RBFOX1: variants seen among roughly 807,000 people sequenced by gnomAD.
RBFOX1 encodes RNA binding protein fox-1 homolog 1.
RBFOX1 carries 8 observed loss-of-function variants against 57.7 expected under a neutral mutation model. The ratio of observed to expected loss-of-function variants is 0.14; its 90% CI spans 0.08 to 0.25. The LOEUF (loss-of-function observed/expected upper bound fraction) is 0.25. Ranked by LOEUF, RBFOX1 falls within the 10% of genes least tolerant of loss-of-function variation. The pLI is 1.00. For missense variants in RBFOX1, 611 were observed against 548.5 expected (o/e 1.11, Z -1.14); for synonymous variants, 326 against 222.4 (o/e 1.47, Z -4.15).
rs559039220 is a variant in RBFOX1, at chr16:6,554,664, G to T, written c.-63-99939G>T. The stretch of plus-strand genomic sequence containing the variant: ...GTACTCTCCTGATTTGTGCAGACTT[G>T]TCCATCAGTCACTGAAAGTGTGGAA... On this transcript the variant is annotated intron_variant, in intron 2 of 15. Coordinates refer to ENST00000550418, the MANE Select transcript of RBFOX1 (RefSeq NM_018723.4). 3.3e-5 allele frequency among the ~76,000 whole-genome samples: 5 copies of T among 152,104 alleles called. No homozygotes were observed. The South Asian group carries it at 1.0e-3, about 32-fold the overall frequency.
intron 4 of RBFOX1, among the ~76,000 whole-genome samples, chr16:7,169,527 G>A (rs957780215): frequency 1.3e-5 from 2 of 152,296 alleles, no homozygotes; most frequent in East Asian, 1.9e-4. Context: ...GTCCCCAGGA[G>A]GGTAAAATCC....
At chr16:6,522,154 AG>A (rs2096513097) in intron 2 of RBFOX1, among the ~76,000 whole-genome samples, 1 of 142,762 alleles carries the variant, frequency 7.0e-6, no homozygotes, top group Non-Finnish European at 1.5e-5. Flanking sequence ...GGGGACCCAC[AG>A]TGTGTGTGTG....
At position 6,388,341 on chromosome 16, in the gene RBFOX1, C is replaced by T. The variant is rs573660868; in HGVS notation, c.-64+71284C>T. Among the ~76,000 whole-genome samples the T allele has an allele frequency of 8.7e-4, 132 of 151,988 alleles. 4 individuals are homozygous for T. In the South Asian group the frequency reaches 0.014, roughly 16 times the overall value. On this transcript the variant is annotated intron_variant, in intron 2 of 15. Transcript: ENST00000550418. ...AAGCTGTTTGCAGCCATTTTGGCAC[C>T]ATGTGGAGCGTAGGAATGAAACTCA...
At chr16:5,866,202 C>T (rs1374960412) in intron 3 of RBFOX1, among the ~76,000 whole-genome samples, 1 of 152,312 alleles carries the variant, frequency 6.6e-6, no homozygotes, top group Admixed American at 6.5e-5. Context: ...CTCCTGACCT[C>T]ACATGATCCA....
In RBFOX1 at chr16:6,375,052, C is replaced by A. The variant is rs141750710; in HGVS notation, c.-64+57995C>A. Among the ~76,000 whole-genome samples the A allele has an allele frequency of 4.6e-3, 699 of 152,124 alleles. 9 individuals carry two copies. The highest frequency in any genetic ancestry group is 0.016 in the African/African-American group (660 of 41,386). On this transcript the variant is annotated intron_variant, in intron 2 of 15. Coordinates refer to ENST00000550418, the MANE Select transcript of RBFOX1 (RefSeq NM_018723.4). The stretch of plus-strand genomic sequence containing the variant: ...CCTTTTTTACATTTCCTGCTTGAGA[C>A]CTCGCCAGGTCCAACTTTAAAACGT...
chr16:5,594,369 A>C (rs970088859), intron 2 of RBFOX1, among the ~76,000 whole-genome samples: 1 of 152,220 alleles, frequency 6.6e-6, no homozygotes, highest in Non-Finnish European at 1.5e-5. Flanking sequence ...GGTCTCAGTT[A>C]ATTTAGAAAG....
intron 3 of RBFOX1, among the ~76,000 whole-genome samples, chr16:5,633,013 A>G (rs1011369039): frequency 6.9e-6 from 1 of 144,968 alleles, no homozygotes; most frequent in South Asian, 2.1e-4. Context: ...ATCTCAGCTC[A>G]CTGCATCCTC....
intron 5 of RBFOX1, among the ~76,000 whole-genome samples, chr16:7,527,049 A>G (rs1453969615): frequency 6.6e-6 from 1 of 152,178 alleles, no homozygotes; most frequent in African/African-American, 2.4e-5. Context: ...ACAGACTTCG[A>G]GTGTGCTCTT....
chr16:5,752,381 C>G (rs2053240335), intron 3 of RBFOX1, among the ~76,000 whole-genome samples: 1 of 152,180 alleles, frequency 6.6e-6, no homozygotes, highest in African/African-American at 2.4e-5. Context: ...ACCCCCATGA[C>G]ACAAGCTTAC....
In RBFOX1 at chr16:5,595,749, A is replaced by T. The variant is rs370275177; in HGVS notation, c.259-3153A>T. ...CAACTCAGTCAGACTTAGAATGTTA[A>T]TATGTGCTTGTCTCTGTTTTCGAGT... On this transcript the variant is annotated intron_variant, in intron 2 of 2. Coordinates refer to the RBFOX1 transcript ENST00000585867. Among the ~76,000 whole-genome samples, 5 of 152,158 alleles carry T rather than the reference A, an allele frequency of 3.3e-5. No individual in the cohort carries two copies. The East Asian group carries it at 9.7e-4, about 29-fold the overall frequency.
chr16:6,191,421 G>A (rs1446274658), intron 1 of RBFOX1, among the ~76,000 whole-genome samples: 1 of 152,102 alleles, frequency 6.6e-6, no homozygotes, highest in African/African-American at 2.4e-5. Context: ...TCACTCTTGA[G>A]AATTTAGGGG....
At chr16:5,369,396 G>C (rs1262171863) in intron 1 of RBFOX1, among the ~76,000 whole-genome samples, 18 of 152,186 alleles carry the variant, frequency 1.2e-4, no homozygotes, top group Non-Finnish European at 5.9e-5. Context: ...GAATAGCCAG[G>C]GACCAGCACT....
At chr16:6,792,467 G>A (rs1423578987) in intron 3 of RBFOX1, among the ~76,000 whole-genome samples, 3 of 152,004 alleles carry the variant, frequency 2.0e-5, no homozygotes, top group Admixed American at 2.0e-4. Context: ...AGAAAGACTG[G>A]GGTGAGATGA....
chr16:7,698,035 G>T (rs1179893861), intron 14 of RBFOX1, among the ~76,000 whole-genome samples: 2 of 152,180 alleles, frequency 1.3e-5, no homozygotes, highest in East Asian at 3.9e-4. Context: ...TTAGGGAAGA[G>T]AGGGTTAAAC....
At chr16:7,494,820 G>C (rs1195097725) in intron 4 of RBFOX1, among the ~76,000 whole-genome samples, 1 of 93,690 alleles carries the variant, frequency 1.1e-5, no homozygotes, top group Admixed American at 1.3e-4. Context: ...ATCAGGAACT[G>C]TGTTACCTAC....
chr16:6,396,027 A>G (rs958928658), intron 2 of RBFOX1, among the ~76,000 whole-genome samples: 20 of 141,650 alleles, frequency 1.4e-4, no homozygotes, highest in African/African-American at 5.4e-4. Context: ...GATCGCACCA[A>G]TGCACTGCAG....
chr16:6,431,920 T>G (rs201762186), intron 2 of RBFOX1, among the ~76,000 whole-genome samples: 1,470 of 108,784 alleles, frequency 0.014, 19 homozygotes, highest in East Asian at 0.04. Flanking sequence ...TTTCTTTCTT[T>G]CTTTCTTTCT....
chr16:6,952,899 C>T (rs1200061649), intron 3 of RBFOX1, among the ~76,000 whole-genome samples: 1 of 151,982 alleles, frequency 6.6e-6, no homozygotes, highest in Non-Finnish European at 1.5e-5. Context: ...GGCTTGAACC[C>T]AGGTGGTGGA....
chr16:6,001,052 G>C (rs1426039945), intron 4 of RBFOX1, among the ~76,000 whole-genome samples: 1 of 152,104 alleles, frequency 6.6e-6, no homozygotes, highest in African/African-American at 2.4e-5. Flanking sequence ...TGGATGGGTA[G>C]GTGGGTTGAT....
Sources: gnomAD v4.1 joint callset for allele counts (sites outside exome capture counted in the v4.1 genomes callset) on GRCh38, gnomAD v4.1.1 for gene constraint, MANE v1.5 for transcripts, NCBI Gene and HGNC (gene_info 2026-07-23, HGNC 2026-07-21) for gene names.